NAALADL2: variants seen among roughly 807,000 people sequenced by gnomAD.
NAALADL2 encodes the protein inactive N-acetylated-alpha-linked acidic dipeptidase-like protein 2.
In NAALADL2, 76 loss-of-function variants were observed where a neutral mutation model predicts 87.2. That is an observed-to-expected ratio of 0.87 (90% CI 0.72 to 1.05). NAALADL2 has a LOEUF of 1.05. Among genes scored for constraint, NAALADL2 ranks in the 50% least tolerant of loss-of-function variants. The pLI, the probability that NAALADL2 is intolerant of heterozygous loss-of-function variation, is 0.00. For synonymous variants in NAALADL2, 354 were observed against 331.0 expected, an observed-to-expected ratio of 1.07 and a Z score of -0.75; for missense variants, 1,089 against 945.8, an observed-to-expected ratio of 1.15 and a Z score of -1.99.
chr3:175,763,459 C>A (rs958338282), intron 13 of NAALADL2, among the ~76,000 whole-genome samples: 8 of 152,190 alleles, frequency 5.3e-5, no homozygotes, highest in African/African-American at 1.9e-4. Context: ...ACTGTTGTGT[C>A]TCTATCTCCT....
At chr3:175,253,528 C>T (rs1337633518) in intron 3 of NAALADL2, among the ~76,000 whole-genome samples, 1 of 152,230 alleles carries the variant, frequency 6.6e-6, no homozygotes, top group Non-Finnish European at 1.5e-5. Context: ...ACTAACACAA[C>T]ATCCATTCTA....
At chr3:175,684,005 C>T (rs1735946332) in intron 11 of NAALADL2, among the ~76,000 whole-genome samples, 2 of 151,964 alleles carry the variant, frequency 1.3e-5, no homozygotes, top group Non-Finnish European at 2.9e-5. Context: ...TGTAACATTA[C>T]ACACTTGGAA....
chr3:175,103,659 T>C (rs1280537500), intron 2 of NAALADL2, among the ~76,000 whole-genome samples: 1 of 152,198 alleles, frequency 6.6e-6, no homozygotes, highest in Non-Finnish European at 1.5e-5. Context: ...TATCCTATGA[T>C]ATAGCTATGA....
intron 5 of NAALADL2, among the ~76,000 whole-genome samples, chr3:175,355,022 ATGTGTGTGTGTGTGTGTG>A (rs3067322): frequency 7.2e-5 from 10 of 139,438 alleles, no homozygotes; most frequent in Non-Finnish European, 1.4e-4. Flanking sequence ...CTATATATAT[ATGTGTGTGTGTGTGTGTG>A]TGTGTGTGTG....
intron 2 of NAALADL2, among the ~76,000 whole-genome samples, chr3:175,214,698 T>C (rs1021761110): frequency 6.6e-6 from 1 of 152,198 alleles, no homozygotes; most frequent in Non-Finnish European, 1.5e-5. Flanking sequence ...GAATGAAATT[T>C]GAGCTAATTT....
At chr3:175,450,350 A>G (rs1229065245) in intron 6 of NAALADL2, among the ~76,000 whole-genome samples, 1 of 152,162 alleles carries the variant, frequency 6.6e-6, no homozygotes, top group Admixed American at 6.6e-5. Flanking sequence ...TAATTATAAC[A>G]TATTGTTAAA....
chr3:175,320,487 G>A (rs1361251654), intron 4 of NAALADL2, among the ~76,000 whole-genome samples: 1 of 152,100 alleles, frequency 6.6e-6, no homozygotes, highest in African/African-American at 2.4e-5. Flanking sequence ...AGGTCTGGCT[G>A]GTACCTCCAG....
intron 1 of NAALADL2, among the ~76,000 whole-genome samples, chr3:174,951,871 A>T (rs977702184): frequency 6.6e-5 from 10 of 152,032 alleles, no homozygotes; most frequent in African/African-American, 2.4e-4. Context: ...TTCAACATTG[A>T]TTTATAGCCT....
At chr3:174,904,292 T>G (rs911027740) in intron 1 of NAALADL2, among the ~76,000 whole-genome samples, 1 of 151,880 alleles carries the variant, frequency 6.6e-6, no homozygotes, top group Non-Finnish European at 1.5e-5. Flanking sequence ...TTACATTGTG[T>G]GATATGTTAC....
At chr3:174,873,353 C>T (rs989792984) in intron 1 of NAALADL2, among the ~76,000 whole-genome samples, 4 of 152,016 alleles carry the variant, frequency 2.6e-5, no homozygotes, top group African/African-American at 9.7e-5. Context: ...CTCCCGGGTT[C>T]AAGTGATTCT....
intron 4 of NAALADL2, among the ~76,000 whole-genome samples, chr3:175,292,593 TACACACAC>T (rs71164627): frequency 3.4e-5 from 5 of 145,366 alleles, no homozygotes; most frequent in South Asian, 4.5e-4. Flanking sequence ...TGAGTTGGGA[TACACACAC>T]ACACACACAC....
chr3:174,938,741 T>A (rs977012730), intron 1 of NAALADL2, among the ~76,000 whole-genome samples: 1 of 152,170 alleles, frequency 6.6e-6, no homozygotes, highest in Non-Finnish European at 1.5e-5. Flanking sequence ...TATCTCTTTG[T>A]GGTTTTGATT....
At chr3:175,433,550 G>A (rs1718130532) in intron 5 of NAALADL2, among the ~76,000 whole-genome samples, 1 of 151,992 alleles carries the variant, frequency 6.6e-6, no homozygotes, top group Non-Finnish European at 1.5e-5. Context: ...ACTAAGCACA[G>A]CCATGTCTCT....
chr3:174,468,384 C>CTTTT (rs67829845), intron 1 of NAALADL2, among the ~76,000 whole-genome samples: 5 of 132,722 alleles, frequency 3.8e-5, no homozygotes, highest in South Asian at 2.4e-4. Context: ...CTTTCTTTTT[C>CTTTT]TTTTTTTTTT....
At chr3:174,935,267 TTGCCTGGG>T (rs1308053012) in intron 1 of NAALADL2, among the ~76,000 whole-genome samples, 3 of 152,218 alleles carry the variant, frequency 2.0e-5, no homozygotes, top group Non-Finnish European at 4.4e-5. Flanking sequence ...TATCTTGCGT[TTGCCTGGG>T]TGTTCTTTGC....
At chr3:175,295,306 T>C (rs1756175259) in intron 4 of NAALADL2, among the ~76,000 whole-genome samples, 1 of 152,164 alleles carries the variant, frequency 6.6e-6, no homozygotes, top group African/African-American at 2.4e-5. Context: ...TTCAACCCAC[T>C]GAGTGCTGGA....
chr3:174,974,826 A>T (rs1273578562), intron 1 of NAALADL2, among the ~76,000 whole-genome samples: 1 of 152,048 alleles, frequency 6.6e-6, no homozygotes, highest in African/African-American at 2.4e-5. Context: ...GAGAGGCAAA[A>T]TATTGGAAGT....
chr3:175,809,510 T>TAAAAAAAAAA lies in NAALADL2; in HGVS notation c.*6307_*6308insAAAAAAAAAA, dbSNP rs1491162200. The TAAAAAAAAAA allele has an allele frequency of 1.8e-3, 62 of 34,368 alleles. 4 individuals carry two copies. Among genetic ancestry groups the TAAAAAAAAAA allele is most frequent in the Non-Finnish European group, 2.8e-3 (37 of 13,300 alleles). 2.1% of individuals were successfully genotyped at this position (34,368 alleles called of 1,614,324 possible). A position where few individuals can be genotyped will look rare whatever the true frequency, so the allele number is the denominator to read the frequency against. On this transcript the variant is annotated 3_prime_UTR_variant, in exon 14 of 14. Transcript: ENST00000454872. Reference sequence around the variant, plus strand: ...GCAACAAAGTGAGACCCTGTCTCTCTTAAAAAAAAAAAAAAAAAAAAAAAA... The same window carrying TAAAAAAAAAA: ...GCAACAAAGTGAGACCCTGTCTCTCTAAAAAAAAAATAAAAAAAAAAAAAAAAAAAAAAAA...
chr3:175,463,701 G>GGA (rs10591566), intron 7 of NAALADL2, among the ~76,000 whole-genome samples: 4,572 of 115,492 alleles, frequency 0.04, 97 homozygotes, highest in South Asian at 0.11. Context: ...CTTAGTCGGG[G>GGA]GAGAGAGAGA....
Sources: allele counts gnomAD v4.1 joint callset (sites outside exome capture counted in the v4.1 genomes callset), GRCh38; gene constraint gnomAD v4.1.1; transcripts MANE v1.5; gene names NCBI Gene and HGNC (gene_info 2026-07-23, HGNC 2026-07-21).